GALNTL6: variants seen among roughly 807,000 people sequenced by gnomAD.
The protein encoded by GALNTL6 is polypeptide N-acetylgalactosaminyltransferase like 6, also known as polypeptide N-acetylgalactosaminyltransferase-like 6.
GALNTL6 carries 46 observed loss-of-function variants against 73.7 expected under a neutral mutation model. The observed-to-expected ratio is 0.62, with a 90% CI of 0.49 to 0.80. The LOEUF is 0.80. Among genes scored for constraint, GALNTL6 ranks in the 30% least tolerant of loss-of-function variants. The pLI is 0.00. For synonymous variants in GALNTL6, 259 were observed against 263.7 expected, an observed-to-expected ratio of 0.98 and a Z score of 0.17; for missense variants, 604 against 755.0, an observed-to-expected ratio of 0.80 and a Z score of 2.34.
Position 171,842,090 on chromosome 4 carries a change from C to T in GALNTL6, c.138+27372C>T, listed in dbSNP as rs1268092391. Reference sequence around the variant, plus strand: ...TTTTGTCTTTGGAAAGACAAATAATCTTTTCACGTACCTTTCGGTTTTGTC... The same window carrying T: ...TTTTGTCTTTGGAAAGACAAATAATTTTTTCACGTACCTTTCGGTTTTGTC... On this transcript the variant is annotated intron_variant, in intron 2 of 12. Transcript: ENST00000506823. Among the ~76,000 whole-genome samples, 3 of 152,156 alleles carry T rather than the reference C, an allele frequency of 2.0e-5. No individual in the cohort carries two copies. The East Asian group carries it at 5.8e-4, about 29-fold the overall frequency.
chr4:172,075,526 G>A (rs576194171), intron 2 of GALNTL6, among the ~76,000 whole-genome samples: 1 of 152,126 alleles, frequency 6.6e-6, no homozygotes, highest in African/African-American at 2.4e-5. Flanking sequence ...TAGTAGAGAC[G>A]GGGTTCCACC....
At chr4:171,962,335 AC>A (rs1037286043) in intron 2 of GALNTL6, among the ~76,000 whole-genome samples, 13 of 152,176 alleles carry the variant, frequency 8.5e-5, no homozygotes, top group Non-Finnish European at 1.6e-4. Context: ...ATTCTTAGTC[AC>A]CAAATGAGAT....
intron 2 of GALNTL6, among the ~76,000 whole-genome samples, chr4:171,988,565 A>G (rs994039393): frequency 6.6e-6 from 1 of 152,044 alleles, no homozygotes; most frequent in African/African-American, 2.4e-5. Flanking sequence ...AGGATAGGAG[A>G]GTATATGGGT....
At chr4:171,925,449 G>A (rs183562263) in intron 2 of GALNTL6, among the ~76,000 whole-genome samples, 7 of 152,262 alleles carry the variant, frequency 4.6e-5, no homozygotes, top group African/African-American at 1.7e-4. Context: ...TCAGGGAACC[G>A]TAAGAACAAA....
At chr4:172,469,277 G>A (rs1309029871) in intron 5 of GALNTL6, among the ~76,000 whole-genome samples, 2 of 152,126 alleles carry the variant, frequency 1.3e-5, no homozygotes, top group African/African-American at 2.4e-5. Context: ...AGGCAGAATC[G>A]CTGCCTTAAC....
intron 8 of GALNTL6, among the ~76,000 whole-genome samples, chr4:172,918,418 G>C (rs1302373128): frequency 7.9e-5 from 12 of 151,804 alleles, no homozygotes; most frequent in African/African-American, 2.9e-4. Flanking sequence ...AAAAAATAAA[G>C]AATTTGATTT....
chr4:172,360,610 G>T (rs1000746854), intron 5 of GALNTL6, among the ~76,000 whole-genome samples: 1 of 152,244 alleles, frequency 6.6e-6, no homozygotes, highest in South Asian at 2.1e-4. Context: ...TTCTAAACTT[G>T]AATCAACACA....
intron 9 of GALNTL6, among the ~76,000 whole-genome samples, chr4:172,939,896 C>T (rs965263579): frequency 6.6e-6 from 1 of 152,084 alleles, no homozygotes; most frequent in Admixed American, 6.5e-5. Context: ...CCACTCAACC[C>T]TCATCTACTG....
chr4:172,549,641 GTCT>G (rs1735887967), intron 5 of GALNTL6, among the ~76,000 whole-genome samples: 1 of 151,338 alleles, frequency 6.6e-6, no homozygotes, highest in Non-Finnish European at 1.5e-5. Flanking sequence ...TTTTCTTTGT[GTCT>G]TCATCTCCAA....
rs934854332 is a variant in GALNTL6, at chr4:172,071,063, A to G, written c.139-158593A>G. On this transcript the variant is annotated intron_variant, in intron 2 of 12. Coordinates refer to ENST00000506823, the MANE Select transcript of GALNTL6 (RefSeq NM_001034845.3). ...AACAATTGCCTCAGAAGTAAGAGTCAGATCTGATGTAGCGAGGTGAAGACT... is the reference window on the plus strand; with the variant it reads ...AACAATTGCCTCAGAAGTAAGAGTCGGATCTGATGTAGCGAGGTGAAGACT... Among the ~76,000 whole-genome samples the G allele has an allele frequency of 1.8e-5, 2 of 110,232 alleles. 1 individual carries two copies. The highest frequency in any genetic ancestry group is 4.0e-5 in the Non-Finnish European group (2 of 49,532). 72.3% of individuals were successfully genotyped at this position (110,232 alleles called of 152,430 possible). A position where few individuals can be genotyped will look rare whatever the true frequency, so the allele number is the denominator to read the frequency against.
intron 2 of GALNTL6, among the ~76,000 whole-genome samples, chr4:172,201,009 C>G (rs1735932565): frequency 6.6e-6 from 1 of 152,078 alleles, no homozygotes; most frequent in Admixed American, 6.5e-5. Flanking sequence ...ATAGTATGCT[C>G]TATGAAAGAG....
chr4:171,884,762 A>G (rs915146889), intron 2 of GALNTL6, among the ~76,000 whole-genome samples: 4 of 152,252 alleles, frequency 2.6e-5, no homozygotes, highest in African/African-American at 9.6e-5. Flanking sequence ...CTGTGCAAGA[A>G]TGTGTTGTTT....
At chr4:172,031,415 C>T (rs1015839048) in intron 2 of GALNTL6, among the ~76,000 whole-genome samples, 2 of 152,046 alleles carry the variant, frequency 1.3e-5, no homozygotes, top group African/African-American at 4.8e-5. Flanking sequence ...ACAAGACGTG[C>T]TCCTTAAAAA....
In GALNTL6 at chr4:171,897,753, G is replaced by T. The variant is rs111961738; in HGVS notation, c.138+83035G>T. Among the ~76,000 whole-genome samples, 260 of 150,784 alleles carry T rather than the reference G, an allele frequency of 1.7e-3. 1 individual carries two copies. Among genetic ancestry groups the T allele is most frequent in the African/African-American group, 5.8e-3 (239 of 41,142 alleles). ...GCAAGCTCCGCCTCCCGGTGAAACC[G>T]CTTTTCTACTAAAAATGCAAAAAAA... On this transcript the variant is annotated intron_variant, in intron 2 of 12. Coordinates refer to ENST00000506823, the MANE Select transcript of GALNTL6 (RefSeq NM_001034845.3).
intron 5 of GALNTL6, among the ~76,000 whole-genome samples, chr4:172,605,654 G>C (rs912886286): frequency 6.6e-6 from 1 of 152,036 alleles, no homozygotes; most frequent in East Asian, 1.9e-4. Context: ...AGGGAGACAG[G>C]GTTCAGGAAA....
intron 5 of GALNTL6, among the ~76,000 whole-genome samples, chr4:172,353,801 A>G (rs1012349430): frequency 1.3e-5 from 2 of 152,068 alleles, no homozygotes; most frequent in African/African-American, 4.8e-5. Context: ...AATGATCCAC[A>G]TTACCATTAA....
intron 4 of GALNTL6, among the ~76,000 whole-genome samples, chr4:172,333,734 G>C (rs931261280): frequency 1.3e-5 from 2 of 152,012 alleles, no homozygotes; most frequent in African/African-American, 4.8e-5. Flanking sequence ...CTGCGCTTTT[G>C]AGGTCTTAGT....
intron 3 of GALNTL6, among the ~76,000 whole-genome samples, chr4:172,281,042 G>T (rs1026275990): frequency 2.0e-5 from 3 of 151,840 alleles, no homozygotes; most frequent in African/African-American, 7.3e-5. Flanking sequence ...GGTGGCGAGT[G>T]CCTGTAGTCC....
At chr4:172,560,821 T>C (rs895217389) in intron 5 of GALNTL6, among the ~76,000 whole-genome samples, 5 of 152,218 alleles carry the variant, frequency 3.3e-5, no homozygotes, top group Non-Finnish European at 5.9e-5. Flanking sequence ...ATATAAATAA[T>C]TGAAATGAAC....
Sources: allele counts gnomAD v4.1 joint callset (sites outside exome capture counted in the v4.1 genomes callset), GRCh38; gene constraint gnomAD v4.1.1; transcripts MANE v1.5; gene names NCBI Gene and HGNC (gene_info 2026-07-23, HGNC 2026-07-21).